The following COL4A5 variants were observed in gnomAD, a reference collection of about 807,000 sequenced individuals.
COL4A5 encodes collagen alpha-5(IV) chain.
COL4A5 carries 26 observed loss-of-function variants against 130.2 expected under a neutral mutation model. The observed-to-expected ratio is 0.20, with a 90% CI of 0.15 to 0.28. The LOEUF (loss-of-function observed/expected upper bound fraction) is 0.28, where lower values mean the gene tolerates loss of function less well. Among genes scored for constraint, COL4A5 ranks in the 10% least tolerant of loss-of-function variants. The probability of loss-of-function intolerance (pLI) is 1.00; values close to 1 mark genes in which losing one functional copy is unlikely to be tolerated. For synonymous variants in COL4A5, 496 were observed against 439.6 expected (o/e 1.13, Z -1.60); for missense variants, 1,131 against 1,344.3 (o/e 0.84, Z 2.48).
chrX:108,526,871 G>C (rs1026772818), intron 1 of COL4A5, among the ~76,000 whole-genome samples: 1 of 104,893 alleles, frequency 9.5e-6, no homozygotes, highest in Non-Finnish European at 1.9e-5. Flanking sequence ...AGGCTCAAGT[G>C]ATCCTCCCTC....
intron 37 of COL4A5, among the ~76,000 whole-genome samples, chrX:108,660,913 C>T (rs1171630347): frequency 1.8e-5 from 2 of 111,886 alleles, no homozygotes; most frequent in African/African-American, 6.5e-5. Flanking sequence ...CCTATCACCA[C>T]GTGATGTCAT....
chrX:108,585,610 A>G (rs2066322860), intron 18 of COL4A5, among the ~76,000 whole-genome samples: 1 of 111,413 alleles, frequency 9.0e-6, no homozygotes, highest in South Asian at 3.7e-4. Context: ...AGGATGAAAT[A>G]TCACACTGCT....
chrX:108,573,776 A>G (rs2066102989), intron 9 of COL4A5, 122 bp downstream of exon 9: 1 of 525,799 alleles, frequency 1.9e-6, no homozygotes, highest in East Asian at 3.5e-5. Flanking sequence ...TTTACTAGAC[A>G]TTACATGTAC....
intron 2 of COL4A5, among the ~76,000 whole-genome samples, chrX:108,558,345 A>C (rs945525659): frequency 7.2e-5 from 8 of 110,548 alleles, no homozygotes; most frequent in Non-Finnish European, 1.5e-4. Flanking sequence ...AAATAGCATT[A>C]GTACACATGC....
At chrX:108,483,174 T>G (rs2064908231) in intron 1 of COL4A5, among the ~76,000 whole-genome samples, 1 of 110,147 alleles carries the variant, frequency 9.1e-6, no homozygotes, top group Admixed American at 9.8e-5. Context: ...TTAGTCAGGA[T>G]TCTCTTAAAG....
intron 35 of COL4A5, 121 bp from the exon 36 acceptor site, chrX:108,626,089 A>G: frequency 1.5e-6 from 1 of 658,779 alleles, no homozygotes; most frequent in Admixed American, 3.2e-5. Context: ...GAGGCTCATT[A>G]TTATCTAACT....
chrX:108,542,253 C>A (rs779138490), intron 2 of COL4A5, among the ~76,000 whole-genome samples: 2 of 108,326 alleles, frequency 1.8e-5, no homozygotes, highest in East Asian at 5.9e-4. Context: ...TGCTATCCTT[C>A]CCCCCACCCC....
At chrX:108,674,618 G>T in intron 42 of COL4A5, 127 bp from the exon 43 acceptor site, 1 of 682,865 alleles carries the variant, frequency 1.5e-6, no homozygotes, top group Non-Finnish European at 2.2e-6. Context: ...TGCTGGCAAA[G>T]AACATTATTG....
intron 7 of COL4A5, 142 bp from the exon 8 acceptor site, chrX:108,571,669 C>T (rs987761852): frequency 3.5e-6 from 2 of 566,841 alleles, no homozygotes; most frequent in Non-Finnish European, 5.9e-6. Flanking sequence ...TAAATGTCAC[C>T]TCTAAGTATC....
intron 1 of COL4A5, among the ~76,000 whole-genome samples, chrX:108,485,010 A>G (rs1321960562): frequency 1.8e-5 from 2 of 112,197 alleles, no homozygotes; most frequent in South Asian, 3.7e-4. Flanking sequence ...CCCTCAATCC[A>G]TGAGGCATAG....
Position 108,626,267 on chromosome X carries a change from C to T in COL4A5, c.3164C>T (p.Ser1055Phe). 1.7e-6 allele frequency: 2 copies of T among 1,209,664 alleles called. No individual in the cohort carries two copies. The highest frequency in any genetic ancestry group is 3.0e-5 in the East Asian group (1 of 33,794). ...GPSGVPGQPG[S>F]PGLPGQKGDK... ...TCTGGAGTTCCTGGACAACCTGGCTCCCCAGGATTACCTGGACAGAAAGGC... is the reference window on the plus strand; with the variant it reads ...TCTGGAGTTCCTGGACAACCTGGCTTCCCAGGATTACCTGGACAGAAAGGC... The change falls in exon 36 of 53, where the codon TCC becomes TTC. Residue 1055 changes from serine (S) to phenylalanine (F), a missense_variant. By Grantham distance (155) the Ser-to-Phe change is radical. Transcript: ENST00000328300.
rs1181663034 is a variant in COL4A5, at chrX:108,507,339, A to G, written c.82-32407A>G. Among the ~76,000 whole-genome samples, 3 of 111,080 alleles carry G rather than the reference A, an allele frequency of 2.7e-5. No individual in the cohort carries two copies. The Admixed American group carries it at 2.9e-4, about 11-fold the overall frequency. On this transcript the variant is annotated intron_variant, in intron 1 of 52. Coordinates refer to ENST00000328300, the MANE Select transcript of COL4A5 (RefSeq NM_033380.3). The stretch of plus-strand genomic sequence containing the variant: ...AATCCTCAACAATATAGTTGCACAC[A>G]AAATCTAGCAGCACAACAAAAAGCT...
In COL4A5 at chrX:108,580,557, C is replaced by A. The variant is rs1322579261; in HGVS notation, c.805C>A (p.Pro269Thr). ...DQGLPGDRGP[P>T]GPPGIRGPPG... ...GGGACTTCCTGGTGACCGAGGGCCTCCTGGACCTCCAGGGATACGTGGTCC... is the reference window on the plus strand; with the variant it reads ...GGGACTTCCTGGTGACCGAGGGCCTACTGGACCTCCAGGGATACGTGGTCC... Residue 269 changes from proline to threonine, a missense_variant, in exon 14 of 53, where the codon CCT (proline) becomes ACT (threonine). By Grantham distance (38) the Pro-to-Thr change is conservative. Transcript: ENST00000328300. 2 of 1,210,092 alleles carry A rather than the reference C, an allele frequency of 1.7e-6. No individual in the cohort carries two copies. Among genetic ancestry groups the A allele is most frequent in the Non-Finnish European group, 2.2e-6 (2 of 894,340 alleles).
intron 1 of COL4A5, among the ~76,000 whole-genome samples, chrX:108,536,273 G>A (rs888664512): frequency 9.1e-6 from 1 of 110,281 alleles, no homozygotes; most frequent in Non-Finnish European, 1.9e-5. Flanking sequence ...GTGTGTGTGT[G>A]TGTGTGTGCA....
intron 46 of COL4A5, 58 bp downstream of exon 46, chrX:108,681,014 A>G (rs903391135): frequency 6.4e-5 from 68 of 1,054,332 alleles, no homozygotes; most frequent in African/African-American, 9.2e-5. Flanking sequence ...AAAGAATTTG[A>G]AAGTTTTCAT....
Position 108,696,772 on chromosome X carries a change from A to G in COL4A5, c.*394A>G, listed in dbSNP as rs1444633482. ...GGGAAGAATTATTTTTCACGGTGCT[A>G]CTAATCCTGCTGTATCCCGGGTTTT... is the stretch of plus-strand genomic sequence containing the variant. On this transcript the variant is annotated 3_prime_UTR_variant, in exon 53 of 53. Transcript: ENST00000328300. 1 of 127,471 alleles carries G rather than the reference A, an allele frequency of 7.8e-6. No individual in the cohort carries two copies. Among genetic ancestry groups the G allele is most frequent in the East Asian group, 2.3e-4 (1 of 4,332 alleles). The allele number at this position is 127,471 out of a possible 1,213,427, so 10.5% of individuals were successfully genotyped here. A position where few individuals can be genotyped will look rare whatever the true frequency, so the allele number is the denominator to read the frequency against.
chrX:108,512,786 G>A (rs2065190238), intron 1 of COL4A5, among the ~76,000 whole-genome samples: 1 of 111,574 alleles, frequency 9.0e-6, no homozygotes, highest in African/African-American at 3.3e-5. Context: ...AATTGCTAAT[G>A]AAGTTTCGGG....
At chrX:108,632,578 C>A (rs1422771534) in intron 36 of COL4A5, among the ~76,000 whole-genome samples, 2 of 110,981 alleles carry the variant, frequency 1.8e-5, no homozygotes, top group East Asian at 5.7e-4. Flanking sequence ...TGCAAAAATC[C>A]TCAATAAAAT....
intron 1 of COL4A5, among the ~76,000 whole-genome samples, chrX:108,484,455 G>C (rs1025357243): frequency 4.5e-5 from 5 of 112,082 alleles, no homozygotes; most frequent in Non-Finnish European, 9.4e-5. Context: ...TCTTGGGAAG[G>C]CTTTCCAGGT....
Sources: allele counts gnomAD v4.1 joint callset (sites outside exome capture counted in the v4.1 genomes callset), GRCh38; gene constraint gnomAD v4.1.1; transcripts MANE v1.5; gene names NCBI Gene and HGNC (gene_info 2026-07-23, HGNC 2026-07-21).